MAPRE2: variants seen among roughly 807,000 people sequenced by gnomAD.
MAPRE2 encodes the protein microtubule associated protein RP/EB family member 2, also known as microtubule-associated protein RP/EB family member 2.
MAPRE2 carries 13 observed loss-of-function variants against 43.2 expected under a neutral mutation model. The observed-to-expected ratio is 0.30, with a 90% CI of 0.20 to 0.48. The LOEUF (loss-of-function observed/expected upper bound fraction) is 0.48. Ranked by LOEUF, MAPRE2 falls within the 20% of genes least tolerant of loss-of-function variation. The probability of loss-of-function intolerance (pLI) is 0.99; values close to 1 mark genes in which losing one functional copy is unlikely to be tolerated. For synonymous variants in MAPRE2, 135 were observed against 148.8 expected, an observed-to-expected ratio of 0.91 and a Z score of 0.68; for missense variants, 161 against 400.2, an observed-to-expected ratio of 0.40 and a Z score of 5.10.
chr18:34,984,057 G>A (rs1340112369), intron 1 of MAPRE2, among the ~76,000 whole-genome samples: 1 of 152,192 alleles, frequency 6.6e-6, no homozygotes, highest in Non-Finnish European at 1.5e-5. Context: ...ACATTATGCT[G>A]TGGACAATTT....
At chr18:35,132,704 C>T (rs1910212511) in intron 6 of MAPRE2, among the ~76,000 whole-genome samples, 2 of 152,176 alleles carry the variant, frequency 1.3e-5, no homozygotes, top group African/African-American at 4.8e-5. Flanking sequence ...GGAGCTGCCA[C>T]CAGAGTTGCT....
chr18:34,984,931 G>A (rs554461551), intron 1 of MAPRE2, among the ~76,000 whole-genome samples: 2 of 6,856 alleles, frequency 2.9e-4, no homozygotes, highest in African/African-American at 6.6e-4. Flanking sequence ...TATATTTTAT[G>A]TTATATAATA....
Position 35,132,086 on chromosome 18 carries a change from T to G in MAPRE2, c.805T>G (p.Phe269Val). The G allele has an allele frequency of 6.2e-7, 1 of 1,614,222 alleles. No individual in the cohort carries two copies. The highest frequency in any genetic ancestry group is 8.5e-7 in the Non-Finnish European group (1 of 1,180,034). Residue 269 changes from phenylalanine (F) to valine (V), a missense_variant, in exon 6 of 7, where the codon TTT (phenylalanine) becomes GTT (valine). By Grantham distance (50) the Phe-to-Val change is conservative. Transcript: ENST00000300249. ...CGTGGAAAAGGAAAGGGATTTCTAC[T>G]TTGGGAAGTTGAGAGAGATCGAGCT... ...EGVEKERDFY[F>V]GKLREIELLC...
chr18:35,092,245 C>T (rs928561279), intron 2 of MAPRE2, among the ~76,000 whole-genome samples: 2 of 152,168 alleles, frequency 1.3e-5, no homozygotes, highest in Non-Finnish European at 2.9e-5. Flanking sequence ...GACGCAGATC[C>T]AAACCATATC....
At chr18:35,027,424 C>G (rs562402824) in intron 2 of MAPRE2, among the ~76,000 whole-genome samples, 54 of 152,228 alleles carry the variant, frequency 3.5e-4, no homozygotes, top group African/African-American at 1.3e-3. Context: ...CATGGGGAAG[C>G]CTTGCATAGG....
At chr18:34,985,411 A>ATTATATATAT (rs2097019797) in intron 1 of MAPRE2, among the ~76,000 whole-genome samples, 2 of 32,158 alleles carry the variant, frequency 6.2e-5, no homozygotes, top group African/African-American at 1.2e-4. Context: ...AATATATTAT[A>ATTATATATAT]AATATAATAT....
chr18:35,073,205 C>A (rs1393196242), intron 2 of MAPRE2, among the ~76,000 whole-genome samples: 2 of 152,124 alleles, frequency 1.3e-5, no homozygotes, highest in Non-Finnish European at 2.9e-5. Flanking sequence ...GTTAAATTAT[C>A]CAAACGTCCT....
chr18:35,042,286 A>G (rs997636517), intron 1 of MAPRE2, among the ~76,000 whole-genome samples: 3 of 152,166 alleles, frequency 2.0e-5, no homozygotes, highest in Admixed American at 6.5e-5. Context: ...GGACTTGAAA[A>G]AAACTGGGCG....
intron 6 of MAPRE2, among the ~76,000 whole-genome samples, chr18:35,135,193 T>G (rs77451717): frequency 0.02 from 2,993 of 152,236 alleles, 90 homozygotes; most frequent in African/African-American, 0.064. Flanking sequence ...CTACAGAGAG[T>G]AAGCCGTTTG....
chr18:34,985,356 TATAATATAATATATAATATA>T (rs2097019639), intron 1 of MAPRE2, among the ~76,000 whole-genome samples: 1 of 41,690 alleles, frequency 2.4e-5, no homozygotes. Flanking sequence ...ATATTATATA[TATAATATAATATATAATATA>T]TTATTTTATA....
chr18:34,981,497 A>G (rs1367713474), intron 1 of MAPRE2, among the ~76,000 whole-genome samples: 4 of 152,216 alleles, frequency 2.6e-5, no homozygotes, highest in Non-Finnish European at 5.9e-5. Context: ...GAGTAGAAGA[A>G]AGTGTGTCAT....
chr18:35,110,572 C>T (rs538809062), intron 4 of MAPRE2, among the ~76,000 whole-genome samples: 2 of 152,176 alleles, frequency 1.3e-5, no homozygotes, highest in South Asian at 2.1e-4. Context: ...AGTTCCCTAG[C>T]GGTTTCATTT....
chr18:35,138,464 A>C (rs1910487746), intron 6 of MAPRE2, among the ~76,000 whole-genome samples: 1 of 152,168 alleles, frequency 6.6e-6, no homozygotes, highest in South Asian at 2.1e-4. Flanking sequence ...TTTTTCCCCA[A>C]GTTTTCAACA....
intron 1 of MAPRE2, among the ~76,000 whole-genome samples, chr18:35,047,045 C>T (rs2150602196): frequency 6.6e-6 from 1 of 152,310 alleles, no homozygotes; most frequent in African/African-American, 2.4e-5. Flanking sequence ...GATGAAACTG[C>T]TCAGGACACT....
rs1239648086 is a variant in MAPRE2, at chr18:35,142,776, C to G, written c.*2407C>G. On this transcript the variant is annotated 3_prime_UTR_variant, in exon 7 of 7. Coordinates refer to ENST00000300249, the MANE Select transcript of MAPRE2 (RefSeq NM_014268.4). ...AGTCCTCTTAGGCTGCACCTCCAGC[C>G]TCTGCAGATCCCCCCTCATTTCCCA... is the stretch of plus-strand genomic sequence containing the variant. 6.6e-6 allele frequency: 1 copy of G among 152,212 alleles called. No individual in the cohort carries two copies. The highest frequency in any genetic ancestry group is 2.4e-5 in the African/African-American group (1 of 41,440). The allele number at this position is 152,212 out of a possible 1,614,324, so 9.4% of individuals were successfully genotyped here. A position where few individuals can be genotyped will look rare whatever the true frequency, so the allele number is the denominator to read the frequency against.
At position 35,126,819 on chromosome 18, in the gene MAPRE2, A is replaced by C. The variant is rs1007606977; in HGVS notation, c.611-129A>C. The C allele has an allele frequency of 5.3e-6, 4 of 751,080 alleles. No homozygotes were observed. The African/African-American group carries it at 7.1e-5, about 13-fold the overall frequency. The allele number at this position is 751,080 out of a possible 1,614,324, so 46.5% of individuals were successfully genotyped here. ...GCTGAAATATTTATACTCCTTCTAT[A>C]TGGGAAGGGATCACTGGAGGTATCT... is the stretch of plus-strand genomic sequence containing the variant. On this transcript the variant is annotated intron_variant, in intron 4 of 6. Coordinates refer to ENST00000300249, the MANE Select transcript of MAPRE2 (RefSeq NM_014268.4).
At chr18:35,015,344 G>A (rs1390790810) in intron 2 of MAPRE2, among the ~76,000 whole-genome samples, 1 of 152,062 alleles carries the variant, frequency 6.6e-6, no homozygotes, top group East Asian at 1.9e-4. Context: ...AAAACATGTG[G>A]GAGAATAAAC....
At chr18:35,065,889 G>GC (rs1906816255) in intron 1 of MAPRE2, among the ~76,000 whole-genome samples, 1 of 152,204 alleles carries the variant, frequency 6.6e-6, no homozygotes, top group Non-Finnish European at 1.5e-5. Flanking sequence ...CAGTGATCTG[G>GC]TTGAGATTCC....
intron 1 of MAPRE2, among the ~76,000 whole-genome samples, chr18:35,055,244 C>T (rs941756436): frequency 1.3e-5 from 2 of 152,180 alleles, no homozygotes; most frequent in Non-Finnish European, 2.9e-5. Flanking sequence ...AGGCCATGCT[C>T]CCTCCAACAG....
Sources: gnomAD v4.1 joint callset for allele counts (sites outside exome capture counted in the v4.1 genomes callset) on GRCh38, gnomAD v4.1.1 for gene constraint, MANE v1.5 for transcripts, NCBI Gene and HGNC (gene_info 2026-07-23, HGNC 2026-07-21) for gene names.